Variants in AMN1 observed in about 807,000 individuals in gnomAD.
AMN1 encodes the protein antagonist of mitotic exit network 1 homolog.
A neutral mutation model predicts 33.0 loss-of-function variants in AMN1; 20 were observed. The observed-to-expected ratio is 0.61, with a 90% CI of 0.43 to 0.88. The LOEUF (loss-of-function observed/expected upper bound fraction) is 0.88, where lower values mean the gene tolerates loss of function less well. AMN1 is among the 40% of genes least tolerant of loss of function. AMN1 has a pLI of 0.00. For missense variants in AMN1, 246 were observed against 307.4 expected (o/e 0.80, Z 1.49); for synonymous variants, 114 against 111.9 (o/e 1.02, Z -0.12).
At chr12:31,708,279 G>T (rs992836003) in intron 2 of AMN1, among the ~76,000 whole-genome samples, 2 of 152,120 alleles carry the variant, frequency 1.3e-5, no homozygotes, top group Admixed American at 1.3e-4. Flanking sequence ...TTCCTGGGGG[G>T]AGGTCTATAA....
Position 31,689,052 on chromosome 12 carries a change from G to A in AMN1, c.658C>T (p.Pro220Ser), listed in dbSNP as rs1458546293. The A allele has an allele frequency of 1.9e-6, 3 of 1,613,412 alleles. No individual in the cohort carries two copies. Among genetic ancestry groups the A allele is most frequent in the Non-Finnish European group, 2.5e-6 (3 of 1,179,684 alleles). Residue 220 changes from proline (P) to serine (S), a missense_variant, in exon 6 of 7, where the codon CCT becomes TCT. By Grantham distance (74) the Pro-to-Ser change is moderately conservative. Coordinates refer to ENST00000281471, the MANE Select transcript of AMN1 (RefSeq NM_001113402.2). ...TGGAAGAGTAATATACGTATTTGAGGACAGTAAGTAAGGACAGCTTCGACA... is the reference window on the plus strand; with the variant it reads ...TGGAAGAGTAATATACGTATTTGAGAACAGTAAGTAAGGACAGCTTCGACA... ...GAVEAVLTYC[P>S]QIRILLFHGC... is the part of the protein sequence containing the mutation.
Position 31,697,935 on chromosome 12 carries a change from A to C in AMN1, c.339T>G (p.Ser113=). 1 of 1,614,020 alleles carries C rather than the reference A, an allele frequency of 6.2e-7. No individual in the cohort carries two copies. The highest frequency in any genetic ancestry group is 1.3e-5 in the African/African-American group (1 of 75,062). The part of the protein sequence containing the change: ...TSEGIKAVAS[S]CSYLHEASLK... ...AAGAAGCTTCGTGTAGGTATGAACA[A>C]GATGAAGCCACAGCTTTTATTCCTG... The change falls in exon 4 of 7, where the codon TCT becomes TCG. Residue 113 remains serine (S), a synonymous_variant. Transcript: ENST00000281471.
rs115100488 is a variant in AMN1 at position 31,672,360 on chromosome 12, A to G, written c.721T>C (p.Leu241=). 2,906 of 1,574,910 alleles carry G rather than the reference A, an allele frequency of 1.8e-3. 43 individuals carry two copies. The African/African-American group carries it at 0.033, about 18-fold the overall frequency. Residue 241 remains leucine, a synonymous_variant, in exon 7 of 7, where the codon TTG becomes CTG. Transcript: ENST00000281471. ...PLITDHSREV[L]EQLVGPNKLK... is the part of the protein sequence containing the mutation. The stretch of plus-strand genomic sequence containing the variant: ...TTGTTTGGGCCTACTAATTGCTCCA[A>G]CACTTCTCGGGAATGATCTATAAAA...
At chr12:31,712,596 T>A (rs1443425647) in intron 1 of AMN1, among the ~76,000 whole-genome samples, 1 of 152,172 alleles carries the variant, frequency 6.6e-6, no homozygotes, top group East Asian at 1.9e-4. Flanking sequence ...ATATATGTAT[T>A]ATACCACATT....
intron 3 of AMN1, among the ~76,000 whole-genome samples, chr12:31,698,942 G>T (rs1219343112): frequency 6.6e-6 from 1 of 152,062 alleles, no homozygotes; most frequent in Non-Finnish European, 1.5e-5. Flanking sequence ...AAGCTAATGA[G>T]GTGACAGCAT....
chr12:31,698,077 C>T (rs1938815578), intron 3 of AMN1, 120 bp from the exon 4 acceptor site: 3 of 874,646 alleles, frequency 3.4e-6, no homozygotes, highest in African/African-American at 1.7e-5. Context: ...TCAAAGTAGT[C>T]CACCTGTGAG....
intron 2 of AMN1, among the ~76,000 whole-genome samples, chr12:31,706,311 CAAAAA>C (rs3032986): frequency 5.3e-4 from 35 of 65,996 alleles, no homozygotes; most frequent in Middle Eastern, 7.2e-3. Context: ...GACTCCGTCT[CAAAAA>C]AAAAAAAAAA....
rs138957560 is a variant in AMN1, at chr12:31,690,604, G to A, written c.592-1486C>T. 1.4e-3 allele frequency among the ~76,000 whole-genome samples: 217 copies of A among 152,154 alleles called. 3 individuals are homozygous for A. Among genetic ancestry groups the A allele is most frequent in the Admixed American group, 2.2e-3 (33 of 15,286 alleles). On this transcript the variant is annotated intron_variant, in intron 5 of 6. Coordinates refer to ENST00000281471, the MANE Select transcript of AMN1 (RefSeq NM_001113402.2). Reference sequence around the variant, plus strand: ...CCTTAGCCCACTGTTTGATGGGACTGTTTGCTTTTTTCTTGCTAATTTGTT... The same window carrying A: ...CCTTAGCCCACTGTTTGATGGGACTATTTGCTTTTTTCTTGCTAATTTGTT...
At chr12:31,698,024 C>A in intron 3 of AMN1, 67 bp from the exon 4 acceptor site, 1 of 1,484,998 alleles carries the variant, frequency 6.7e-7, no homozygotes, top group Non-Finnish European at 9.3e-7. Flanking sequence ...AGAAATGTGA[C>A]TGATTTTCAT....
intron 5 of AMN1, among the ~76,000 whole-genome samples, chr12:31,694,813 T>C (rs1565769980): frequency 6.6e-6 from 1 of 152,052 alleles, no homozygotes; most frequent in Non-Finnish European, 1.5e-5. Context: ...GGTTAAAGTA[T>C]ATTCACTCAG....
chr12:31,689,209 G>T lies in AMN1; in HGVS notation c.592-91C>A, dbSNP rs1771388566. On this transcript the variant is annotated intron_variant, in intron 5 of 6. Coordinates refer to ENST00000281471, the MANE Select transcript of AMN1 (RefSeq NM_001113402.2). The stretch of plus-strand genomic sequence containing the variant: ...TTTGAGAAACATTCTGATACAAAAA[G>T]AACCAGATATCTACTTGCAAAAAAA... 3.5e-6 allele frequency: 3 copies of T among 852,754 alleles called. No individual in the cohort carries two copies. In the East Asian group the frequency reaches 8.3e-5, roughly 24 times the overall value. 52.8% of individuals were successfully genotyped at this position (852,754 alleles called of 1,614,324 possible).
intron 2 of AMN1, among the ~76,000 whole-genome samples, chr12:31,705,469 G>A (rs1436276529): frequency 6.6e-6 from 1 of 151,972 alleles, no homozygotes; most frequent in South Asian, 2.1e-4. Context: ...TCTACCCTGG[G>A]TGACAGAGTG....
In AMN1 at chr12:31,708,968, C is replaced by T. The variant is rs184987545; in HGVS notation, c.171+325G>A. 1.5e-4 allele frequency: 59 copies of T among 402,238 alleles called. No individual in the cohort carries two copies. In the Middle Eastern group the frequency reaches 2.5e-3, roughly 17 times the overall value. 24.9% of individuals were successfully genotyped at this position (402,238 alleles called of 1,614,324 possible). ...TGAGGCGGATGGATCACTTGAGCTC[C>T]GGAGTTCGAGACCAGCCTGGGCAAC... On this transcript the variant is annotated intron_variant, in intron 2 of 6. Coordinates refer to ENST00000281471, the MANE Select transcript of AMN1 (RefSeq NM_001113402.2).
intron 1 of AMN1, among the ~76,000 whole-genome samples, chr12:31,726,585 T>C (rs1456232316): frequency 6.6e-6 from 1 of 152,244 alleles, no homozygotes; most frequent in Non-Finnish European, 1.5e-5. Context: ...AAGGAGTTTA[T>C]GCAAGAACAT....
At chr12:31,698,937 A>G (rs1016349584) in intron 3 of AMN1, among the ~76,000 whole-genome samples, 1 of 152,030 alleles carries the variant, frequency 6.6e-6, no homozygotes. Context: ...AGTTTAAGCT[A>G]ATGAGGTGAC....
intron 5 of AMN1, among the ~76,000 whole-genome samples, chr12:31,693,668 A>T (rs1329079964): frequency 6.8e-6 from 1 of 146,948 alleles, no homozygotes; most frequent in Non-Finnish European, 1.5e-5. Flanking sequence ...TCAGCCTCCT[A>T]AGTAGTTGGG....
chr12:31,681,481 G>A (rs1013249146), intron 6 of AMN1, among the ~76,000 whole-genome samples: 87 of 152,126 alleles, frequency 5.7e-4, no homozygotes, highest in African/African-American at 1.6e-3. Context: ...CACCTGCCTC[G>A]GCCTCCCAAA....
rs116615832 is a variant in AMN1 at position 31,674,124 on chromosome 12, T to C, written c.704-1747A>G. Among the ~76,000 whole-genome samples the C allele has an allele frequency of 9.0e-3, 1,374 of 152,170 alleles. 20 individuals carry two copies. The highest frequency in any genetic ancestry group is 0.032 in the African/African-American group (1,315 of 41,510). On this transcript the variant is annotated intron_variant, in intron 6 of 6. Coordinates refer to ENST00000281471, the MANE Select transcript of AMN1 (RefSeq NM_001113402.2). ...TCCTGCTTATTTAAAGTGAACAACA[T>C]TGGGCTGGGTGCGGTGGCTCACGCC...
chr12:31,681,626 C>T (rs992990837), intron 6 of AMN1, among the ~76,000 whole-genome samples: 1 of 152,104 alleles, frequency 6.6e-6, no homozygotes, highest in African/African-American at 2.4e-5. Context: ...GTGATTTATT[C>T]GATGTTCTGG....
Sources: allele counts gnomAD v4.1 joint callset (sites outside exome capture counted in the v4.1 genomes callset), GRCh38; gene constraint gnomAD v4.1.1; transcripts MANE v1.5; gene names NCBI Gene and HGNC (gene_info 2026-07-23, HGNC 2026-07-21).